TRMT11: variants seen among roughly 807,000 people sequenced by gnomAD.
TRMT11 encodes tRNA methyltransferase 11.
A neutral mutation model predicts 62.8 loss-of-function variants in TRMT11; 53 were observed. The ratio of observed to expected loss-of-function variants is 0.84; its 90% confidence interval spans 0.68 to 1.06. The LOEUF (loss-of-function observed/expected upper bound fraction) is 1.06. TRMT11 is among the 50% of genes least tolerant of loss of function. The probability of loss-of-function intolerance (pLI) is 0.00; values close to 1 mark genes in which losing one functional copy is unlikely to be tolerated. For missense variants in TRMT11, 556 were observed against 553.4 expected (o/e 1.00, Z -0.05); for synonymous variants, 188 against 190.3 (o/e 0.99, Z 0.10).
chr6:126,187,841 T>C (rs2128244630), intron 1 of TRMT11, among the ~76,000 whole-genome samples: 1 of 149,598 alleles, frequency 6.7e-6, no homozygotes, highest in South Asian at 2.1e-4. Context: ...TGCTTTTCCA[T>C]CAAGCACCCA....
At chr6:126,238,780 C>G in the TRMT11 span, among the ~76,000 whole-genome samples, 1 of 152,166 alleles carries the variant, frequency 6.6e-6, no homozygotes, top group African/African-American at 2.4e-5. Context: ...AACTTTCTGT[C>G]TCATTGATCT....
the TRMT11 span, among the ~76,000 whole-genome samples, chr6:126,220,460 A>C: frequency 6.6e-6 from 1 of 152,192 alleles, no homozygotes; most frequent in East Asian, 1.9e-4. Flanking sequence ...CCATTCTAGG[A>C]AAAAATGGTT....
rs540285082 is a variant in TRMT11, at chr6:126,159,956, T to TA, written c.*1824-14862dup. 5.1e-3 allele frequency among the ~76,000 whole-genome samples: 784 copies of TA among 152,274 alleles called. 7 individuals are homozygous for TA. The highest frequency in any genetic ancestry group is 7.4e-3 in the Non-Finnish European group (502 of 68,006). On this transcript the variant is annotated intron_variant and NMD_transcript_variant, in intron 21 of 22. Transcript: ENST00000648977. ...GAAGGAAACTACAAAATATAAGTGA[T>TA]AAAAAAAGTGTGAAATAATACAATT...
chr6:126,054,494 T>C lies in TRMT11; in HGVS notation c.*1437+1304T>C, dbSNP rs147058826. Among the ~76,000 whole-genome samples, 387 of 152,306 alleles carry C rather than the reference T, an allele frequency of 2.5e-3. 1 individual carries two copies. Among genetic ancestry groups the C allele is most frequent in the African/African-American group, 9.0e-3 (373 of 41,572 alleles). On this transcript the variant is annotated intron_variant and NMD_transcript_variant, in intron 17 of 22. Coordinates refer to the TRMT11 transcript ENST00000648977. ...GCTCCAGAGCCAAGAAACAGTCACA[T>C]GTTGGCCTCCTGCACCGAGGGAGAT...
At chr6:126,048,430 A>G (rs1776121072) in intron 16 of TRMT11, among the ~76,000 whole-genome samples, 1 of 152,222 alleles carries the variant, frequency 6.6e-6, no homozygotes, top group Admixed American at 6.5e-5. Context: ...TTGGAAAAGT[A>G]GAGATTTGCA....
At chr6:126,071,538 A>G (rs956061163) in intron 17 of TRMT11, among the ~76,000 whole-genome samples, 1 of 152,062 alleles carries the variant, frequency 6.6e-6, no homozygotes, top group Non-Finnish European at 1.5e-5. Flanking sequence ...TTATTTTCCC[A>G]TGTGTTGGTG....
chr6:126,212,830 G>T, the TRMT11 span, among the ~76,000 whole-genome samples: 1 of 152,006 alleles, frequency 6.6e-6, no homozygotes, highest in Non-Finnish European at 1.5e-5. Flanking sequence ...TGCTTGTGGG[G>T]TATTAAGAAA....
intron 21 of TRMT11, among the ~76,000 whole-genome samples, chr6:126,151,931 C>CTTTCTTTCTTTCTT (rs1562334967): frequency 2.1e-5 from 2 of 93,418 alleles, no homozygotes; most frequent in African/African-American, 1.1e-4. Context: ...TTCTTTCTTT[C>CTTTCTTTCTTTCTT]TTTCTTTCTT....
At chr6:126,073,347 A>G (rs1377028939) in intron 17 of TRMT11, among the ~76,000 whole-genome samples, 11 of 152,184 alleles carry the variant, frequency 7.2e-5, no homozygotes, top group Admixed American at 7.2e-4. Flanking sequence ...AAAGAGAGAG[A>G]CTATTGAACT....
chr6:126,128,448 C>T (rs1777742933), intron 21 of TRMT11, among the ~76,000 whole-genome samples: 1 of 152,036 alleles, frequency 6.6e-6, no homozygotes, highest in Non-Finnish European at 1.5e-5. Context: ...ATGAGATAAA[C>T]TTCACTTTTA....
chr6:126,169,866 G>T (rs1778310984), intron 21 of TRMT11, among the ~76,000 whole-genome samples: 1 of 152,104 alleles, frequency 6.6e-6, no homozygotes, highest in African/African-American at 2.4e-5. Context: ...GATATTTCAT[G>T]AAATACAACT....
chr6:126,269,087 C>T, the TRMT11 span, among the ~76,000 whole-genome samples: 4 of 150,436 alleles, frequency 2.7e-5, no homozygotes, highest in African/African-American at 9.8e-5. Flanking sequence ...AATGGTGAAA[C>T]CCCGTCTCTA....
the TRMT11 span, among the ~76,000 whole-genome samples, chr6:126,253,656 A>G: frequency 8.8e-3 from 1,342 of 152,274 alleles, 8 homozygotes; most frequent in Non-Finnish European, 0.013. Flanking sequence ...ATACCCTTAC[A>G]GGACCATCGT....
Position 126,001,852 on chromosome 6 carries a change from C to T in TRMT11, c.679+2239C>T, listed in dbSNP as rs542332855. The stretch of plus-strand genomic sequence containing the variant: ...ATTCTACTGTAAGCAAAAGCCCTTT[C>T]CTCTCTTCCATGTATTTGTTTTTCT... On this transcript the variant is annotated intron_variant, in intron 7 of 12. Transcript: ENST00000334379. Among the ~76,000 whole-genome samples the T allele has an allele frequency of 2.9e-4, 44 of 152,164 alleles. No homozygotes were observed. The East Asian group carries it at 7.9e-3, about 27-fold the overall frequency.
chr6:126,151,862 C>CTTTCTTTCTTTCTTTCTTTCTTTCTTTA (rs1562334839), intron 21 of TRMT11, among the ~76,000 whole-genome samples: 1 of 112,938 alleles, frequency 8.9e-6, no homozygotes, highest in Non-Finnish European at 1.8e-5. Flanking sequence ...TTCTTTCTTT[C>CTTTCTTTCTTTCTTTCTTTCTTTCTTTA]TTTCCTTCTT....
intron 17 of TRMT11, among the ~76,000 whole-genome samples, chr6:126,066,835 G>A (rs1374292886): frequency 6.6e-6 from 1 of 151,870 alleles, no homozygotes; most frequent in Non-Finnish European, 1.5e-5. Flanking sequence ...CAGGACATTG[G>A]TGTCTGGATT....
At chr6:126,101,444 C>G (rs907712012) in intron 17 of TRMT11, among the ~76,000 whole-genome samples, 1 of 152,122 alleles carries the variant, frequency 6.6e-6, no homozygotes, top group Admixed American at 6.6e-5. Context: ...AGTAAAGCAT[C>G]AGGTGTATCT....
chr6:126,192,683 A>G (rs935669333), intron 1 of TRMT11, among the ~76,000 whole-genome samples: 3 of 152,156 alleles, frequency 2.0e-5, no homozygotes, highest in African/African-American at 7.2e-5. Context: ...TAATTTTTCA[A>G]TATCAACATA....
At chr6:126,062,064 T>G (rs913055457) in intron 17 of TRMT11, among the ~76,000 whole-genome samples, 13 of 152,154 alleles carry the variant, frequency 8.5e-5, no homozygotes, top group African/African-American at 3.1e-4. Flanking sequence ...ATTTTCTATT[T>G]TTTTTGATAG....
Sources: gnomAD v4.1 joint callset for allele counts (sites outside exome capture counted in the v4.1 genomes callset) on GRCh38, gnomAD v4.1.1 for gene constraint, MANE v1.5 for transcripts, NCBI Gene and HGNC (gene_info 2026-07-23, HGNC 2026-07-21) for gene names.